Variants in ZNF326 observed in about 807,000 individuals in gnomAD.
ZNF326 encodes DBIRD complex subunit ZNF326.
A neutral mutation model predicts 63.1 loss-of-function variants in ZNF326; 30 were observed. The ratio of observed to expected loss-of-function variants is 0.48; its 90% CI spans 0.36 to 0.64. The LOEUF is 0.64. Among genes scored for constraint, ZNF326 ranks in the 30% least tolerant of loss-of-function variants. The probability of loss-of-function intolerance (pLI) is 0.00; values close to 1 mark genes in which losing one functional copy is unlikely to be tolerated. For missense variants in ZNF326, 609 were observed against 720.3 expected (o/e 0.85, Z 1.77); for synonymous variants, 194 against 228.2 (o/e 0.85, Z 1.35).
rs1299941809 is a variant in ZNF326, at chr1:90,030,784, G to C, written c.*3083G>C. The C allele has an allele frequency of 6.6e-6, 1 of 151,732 alleles. No homozygotes were observed. The allele number at this position is 151,732 out of a possible 1,614,324, so 9.4% of individuals were successfully genotyped here. ...GGGCTCAAGCGGTCGTCCCGCCTTA[G>C]CCTCCCAAGTAGCTGGGACCACAGA... On this transcript the variant is annotated 3_prime_UTR_variant, in exon 12 of 12. Coordinates refer to ENST00000340281, the MANE Select transcript of ZNF326 (RefSeq NM_182976.4).
intron 2 of ZNF326, among the ~76,000 whole-genome samples, 157 bp from the exon 3 acceptor site, chr1:90,004,846 T>G (rs1440215880): frequency 2.0e-5 from 3 of 147,808 alleles, no homozygotes; most frequent in Non-Finnish European, 4.5e-5. Flanking sequence ...TAGCTTCTCA[T>G]CTTTGTGTTT....
At chr1:90,006,164 A>G in intron 4 of ZNF326, 1 of 985,454 alleles carries the variant, frequency 1.0e-6, no homozygotes, top group Non-Finnish European at 1.2e-6. Context: ...GTAAAGAAAA[A>G]TTAAGAAAGT....
chr1:90,006,487 A>G, intron 4 of ZNF326: 4 of 985,342 alleles, frequency 4.1e-6, no homozygotes, highest in Non-Finnish European at 3.6e-6. Flanking sequence ...GAGAAGGAAG[A>G]TGATTTATTT....
At chr1:90,013,079 A>G in intron 6 of ZNF326, 47 bp from the exon 7 acceptor site, 2 of 1,489,016 alleles carry the variant, frequency 1.3e-6, no homozygotes, top group Non-Finnish European at 1.8e-6. Context: ...GGAAAGAGAG[A>G]ATGGAAAAAT....
In ZNF326 at chr1:90,035,122, T is replaced by G. The variant is rs1650430692; in HGVS notation, c.*7421T>G. The G allele has an allele frequency of 6.6e-6, 1 of 152,244 alleles. No individual in the cohort carries two copies. The highest frequency in any genetic ancestry group is 1.5e-5 in the Non-Finnish European group (1 of 68,040). The allele number at this position is 152,244 out of a possible 1,614,324, so 9.4% of individuals were successfully genotyped here. On this transcript the variant is annotated 3_prime_UTR_variant, in exon 12 of 12. Coordinates refer to ENST00000340281, the MANE Select transcript of ZNF326 (RefSeq NM_182976.4). The stretch of plus-strand genomic sequence containing the variant: ...AACTTGGCTAAGGACTAGGAAGGTC[T>G]TCCAGAAAGCTTCATCAAACATCTG...
intron 5 of ZNF326, among the ~76,000 whole-genome samples, chr1:90,008,004 TAAAAGGGG>T (rs1649068826): frequency 6.6e-6 from 1 of 152,232 alleles, no homozygotes; most frequent in African/African-American, 2.4e-5. Context: ...TGGTTTGGTC[TAAAAGGGG>T]TTAAAAGGAG....
chr1:90,009,868 G>C (rs1471212378), intron 5 of ZNF326, among the ~76,000 whole-genome samples: 1 of 151,974 alleles, frequency 6.6e-6, no homozygotes, highest in African/African-American at 2.4e-5. Flanking sequence ...TTCATTATTT[G>C]TTCTACTGGA....
intron 3 of ZNF326, 24 bp downstream of exon 3, chr1:90,005,062 C>T (rs776868797): frequency 3.1e-6 from 5 of 1,613,952 alleles, no homozygotes; most frequent in Non-Finnish European, 4.2e-6. Context: ...GGATATTTAT[C>T]TAAAAATTCT....
At chr1:90,023,285 G>T (rs887191037) in intron 11 of ZNF326, among the ~76,000 whole-genome samples, 31 of 152,190 alleles carry the variant, frequency 2.0e-4, no homozygotes, top group African/African-American at 7.5e-4. Flanking sequence ...ACTGAAGAGA[G>T]CTGTTGTGTT....
intron 4 of ZNF326, among the ~76,000 whole-genome samples, chr1:90,006,824 C>T (rs1570300024): frequency 6.6e-6 from 1 of 152,258 alleles, no homozygotes; most frequent in Non-Finnish European, 1.5e-5. Context: ...TTGACTCCTA[C>T]AGACACAATG....
rs191650500 is a variant in ZNF326, at chr1:90,028,481, C to T, written c.*780C>T. ...ACTCTTTTTAAGTTTGTTCCTTTTC[C>T]CTGTGCCTGTGTCAAATCTTCAAGT... On this transcript the variant is annotated 3_prime_UTR_variant, in exon 12 of 12. Transcript: ENST00000340281. The T allele has an allele frequency of 6.6e-6, 1 of 152,184 alleles. No homozygotes were observed. The highest frequency in any genetic ancestry group is 2.4e-5 in the African/African-American group (1 of 41,508). The allele number at this position is 152,184 out of a possible 1,614,324, so 9.4% of individuals were successfully genotyped here.
At chr1:90,023,479 T>G (rs1257981591) in intron 11 of ZNF326, among the ~76,000 whole-genome samples, 2 of 152,138 alleles carry the variant, frequency 1.3e-5, no homozygotes, top group African/African-American at 2.4e-5. Flanking sequence ...TGCAGCTCGT[T>G]CCTTAGGGGC....
intron 7 of ZNF326, among the ~76,000 whole-genome samples, chr1:90,016,663 G>C (rs1286003552): frequency 6.6e-6 from 1 of 151,616 alleles, no homozygotes; most frequent in African/African-American, 2.4e-5. Context: ...GTTGCAGTGA[G>C]CTGAGATCGC....
rs1180289669 is a variant in ZNF326, at chr1:90,035,014, A to T, written c.*7313A>T. ...CTTAAAAAAAAATACCATAAGCTTG[A>T]TAGATGCTCGAAAAACATTTCCTAA... On this transcript the variant is annotated 3_prime_UTR_variant, in exon 12 of 12. Transcript: ENST00000340281. The T allele has an allele frequency of 6.6e-6, 1 of 152,226 alleles. No homozygotes were observed. The highest frequency in any genetic ancestry group is 2.4e-5 in the African/African-American group (1 of 41,464). The allele number at this position is 152,226 out of a possible 1,614,324, so 9.4% of individuals were successfully genotyped here.
chr1:90,026,467 C>T lies in ZNF326; in HGVS notation c.1402-887C>T, dbSNP rs553645331. On this transcript the variant is annotated intron_variant, in intron 11 of 11. Coordinates refer to ENST00000340281, the MANE Select transcript of ZNF326 (RefSeq NM_182976.4). ...TCTCTTTTGAGTTGCAAATTTATAG[C>T]TGCCTATTAGACATCTAGATATCTG... Among the ~76,000 whole-genome samples the T allele has an allele frequency of 8.5e-5, 13 of 152,236 alleles. No homozygotes were observed. The South Asian group carries it at 1.0e-3, about 12-fold the overall frequency.
intron 6 of ZNF326, among the ~76,000 whole-genome samples, chr1:90,012,404 C>T (rs920667819): frequency 3.9e-5 from 6 of 151,928 alleles, no homozygotes; most frequent in African/African-American, 1.5e-4. Context: ...TAGGCAAATC[C>T]GTAGATCAGA....
At position 90,007,280 on chromosome 1, in the gene ZNF326, CTT is replaced by C; in HGVS notation, c.210-62_210-61del. ...TGATAAATGTCATCTGATAATTTGT[CTT>C]TTGAATTGTCTAACATTAGTAAGCT... On this transcript the variant is annotated intron_variant, in intron 4 of 11. Transcript: ENST00000340281. The surrounding 1 kb of genome is among the most constrained non-coding windows in gnomAD (Gnocchi z 4.9). 6.9e-7 allele frequency: 1 copy of C among 1,453,852 alleles called. No individual in the cohort carries two copies. 90.1% of individuals were successfully genotyped at this position (1,453,852 alleles called of 1,614,324 possible).
intron 4 of ZNF326, chr1:90,005,770 T>C: frequency 9.1e-6 from 9 of 983,888 alleles, no homozygotes; most frequent in Non-Finnish European, 1.1e-5. Flanking sequence ...ATAATAAAAA[T>C]ATTTTTAAAA....
At chr1:89,998,056 T>C in intron 1 of ZNF326, 54 bp from the exon 2 acceptor site, 3 of 1,522,700 alleles carry the variant, frequency 2.0e-6, no homozygotes, top group Non-Finnish European at 2.7e-6. Flanking sequence ...GCATATAATT[T>C]TGAATTATTG....
Sources: gnomAD v4.1 joint callset for allele counts (sites outside exome capture counted in the v4.1 genomes callset) on GRCh38, gnomAD v4.1.1 for gene constraint, Gnocchi (gnomAD v3.1) non-coding constraint, MANE v1.5 for transcripts, NCBI Gene and HGNC (gene_info 2026-07-23, HGNC 2026-07-21) for gene names.